The following FMN1 variants were observed in gnomAD, a reference collection of about 807,000 sequenced individuals.
The protein encoded by FMN1 is formin 1, also known as formin-1.
FMN1 carries 110 observed loss-of-function variants against 132.4 expected under a neutral mutation model. The observed-to-expected ratio is 0.83, with a 90% CI of 0.71 to 0.97. The LOEUF (loss-of-function observed/expected upper bound fraction) is 0.97. Among genes scored for constraint, FMN1 ranks in the 50% least tolerant of loss-of-function variants. The probability of loss-of-function intolerance (pLI) is 0.00; values close to 1 mark genes in which losing one functional copy is unlikely to be tolerated. For synonymous variants in FMN1, 722 were observed against 651.7 expected (o/e 1.11, Z -1.64); for missense variants, 1,792 against 1,705.3 (o/e 1.05, Z -0.90).
chr15:33,121,935 C>T (rs146769532), intron 4 of FMN1, among the ~76,000 whole-genome samples: 1 of 152,344 alleles, frequency 6.6e-6, no homozygotes, highest in African/African-American at 2.4e-5. Context: ...AATTAGGTCT[C>T]TCTCATTGTG....
Position 32,964,152 on chromosome 15 carries a change from T to A in FMN1, c.3093A>T (p.Lys1031Asn). ...LFSKDTTQQKKKPLSETYEKK... is the reference protein window; with the variant it reads ...LFSKDTTQQKNKPLSETYEKK... ...TCTCATAAGTCTCTGACAGAGGTTT[T>A]TTCTTCTGTTGAGTTGTGTCTTTGG... The change falls in exon 9 of 21, where the codon AAA becomes AAT. Residue 1031 changes from lysine to asparagine, a missense_variant. By Grantham distance (94) the Lys-to-Asn change is moderately conservative. This residue lies in a region of FMN1 where 1,150 missense variants were observed against 1,043.1 expected (regional missense o/e 1.10). Coordinates refer to ENST00000616417, the MANE Select transcript of FMN1 (RefSeq NM_001277313.2). The A allele has an allele frequency of 6.2e-7, 1 of 1,613,368 alleles. No individual in the cohort carries two copies. Among genetic ancestry groups the A allele is most frequent in the East Asian group, 2.2e-5 (1 of 44,852 alleles).
intron 6 of FMN1, among the ~76,000 whole-genome samples, chr15:33,034,701 A>T (rs146657223): frequency 1.3e-5 from 2 of 152,074 alleles, no homozygotes; most frequent in Admixed American, 1.3e-4. Flanking sequence ...CTCCATCACT[A>T]CAACTACAGT....
At chr15:32,936,305 A>G (rs1308802722) in intron 9 of FMN1, among the ~76,000 whole-genome samples, 1 of 152,138 alleles carries the variant, frequency 6.6e-6, no homozygotes, top group African/African-American at 2.4e-5. Flanking sequence ...TTGGGATGTG[A>G]AAAAGAAGTC....
intron 4 of FMN1, among the ~76,000 whole-genome samples, chr15:33,113,208 G>T (rs941979319): frequency 6.6e-6 from 1 of 151,964 alleles, no homozygotes; most frequent in Non-Finnish European, 1.5e-5. Flanking sequence ...TTAGGGGGTT[G>T]CTCACTTTCT....
rs8024232 is a variant in FMN1 at position 33,074,081 on chromosome 15, G to A, written c.2044-9007C>T. ...GAAGGCATTTGAGGTCAAGGGAAGCGGAACAACTGGCACCAGTTCATACTG... is the reference window on the plus strand; with the variant it reads ...GAAGGCATTTGAGGTCAAGGGAAGCAGAACAACTGGCACCAGTTCATACTG... On this transcript the variant is annotated intron_variant, in intron 5 of 20. Coordinates refer to ENST00000616417, the MANE Select transcript of FMN1 (RefSeq NM_001277313.2). 3.3e-5 allele frequency among the ~76,000 whole-genome samples: 5 copies of A among 151,872 alleles called. No homozygotes were observed. The East Asian group carries it at 5.8e-4, about 18-fold the overall frequency.
chr15:32,910,484 A>G lies in FMN1; in HGVS notation c.3278T>C (p.Leu1093Ser). Residue 1093 changes from leucine (L) to serine (S), a missense_variant, in exon 11 of 21, where the codon TTA becomes TCA. Leu to Ser is a moderately radical substitution (Grantham distance 145, BLOSUM62 -2). This residue lies in a region of FMN1 where 1,150 missense variants were observed against 1,043.1 expected (regional missense o/e 1.10). Coordinates refer to ENST00000616417, the MANE Select transcript of FMN1 (RefSeq NM_001277313.2). ...GTCTTTGACACTCACGTTTTCATAT[A>G]AGGCTGCCAGGGTCTCCAGATCAAC... ...SVVDLETLAA[L>S]YENRAQEDEL... The G allele has an allele frequency of 1.3e-6, 2 of 1,578,504 alleles. No homozygotes were observed. The highest frequency in any genetic ancestry group is 8.6e-7 in the Non-Finnish European group (1 of 1,161,454).
chr15:32,885,959 T>C (rs1248500198), intron 16 of FMN1, among the ~76,000 whole-genome samples: 1 of 152,158 alleles, frequency 6.6e-6, no homozygotes, highest in East Asian at 1.9e-4. Flanking sequence ...CCTCAAAGCC[T>C]CATCAAATCT....
At chr15:32,774,702 C>T (rs971952314) in intron 20 of FMN1, among the ~76,000 whole-genome samples, 1 of 152,112 alleles carries the variant, frequency 6.6e-6, no homozygotes, top group African/African-American at 2.4e-5. Context: ...CCGTCCCTAC[C>T]TTTGGCTCAT....
At chr15:33,051,655 G>A (rs35988209) in intron 6 of FMN1, among the ~76,000 whole-genome samples, 20,924 of 152,176 alleles carry the variant, frequency 0.14, 1,606 homozygotes, top group Middle Eastern at 0.22. Context: ...AGAGTTTTTA[G>A]CTGGTATATG....
At chr15:32,970,085 CATAA>C (rs2031652458) in intron 7 of FMN1, among the ~76,000 whole-genome samples, 1 of 152,106 alleles carries the variant, frequency 6.6e-6, no homozygotes, top group African/African-American at 2.4e-5. Context: ...GAACAGAGAA[CATAA>C]ATAATGAAGA....
chr15:32,924,335 G>C (rs1194521965), intron 10 of FMN1, among the ~76,000 whole-genome samples: 1 of 152,160 alleles, frequency 6.6e-6, no homozygotes, highest in East Asian at 1.9e-4. Flanking sequence ...AGATGTTTTA[G>C]TTTTTTGTGG....
In FMN1 at chr15:33,153,329, G is replaced by A. The variant is rs2140282062; in HGVS notation, c.1586C>T (p.Pro529Leu). The A allele has an allele frequency of 6.5e-7, 1 of 1,536,354 alleles. No homozygotes were observed. Residue 529 changes from proline to leucine, a missense_variant, in exon 4 of 21, where the codon CCC (proline) becomes CTC (leucine). This residue lies in a region of FMN1 where 4 missense variants were observed against 17.0 expected (regional missense o/e 0.24). Coordinates refer to ENST00000616417, the MANE Select transcript of FMN1 (RefSeq NM_001277313.2). ...GATCCTGTGATGCTGCTGAGGGCTGGGGAGCCTTGGAGACAGAGGCGAGGG... is the reference window on the plus strand; with the variant it reads ...GATCCTGTGATGCTGCTGAGGGCTGAGGAGCCTTGGAGACAGAGGCGAGGG... ...PVPSPLSPRL[P>L]SPQQHHRILR...
intron 5 of FMN1, chr15:33,066,569 C>G (rs1566883849): frequency 1.2e-6 from 2 of 1,611,394 alleles, no homozygotes; most frequent in Non-Finnish European, 1.7e-6. Flanking sequence ...AAACACAGCT[C>G]TTAGCGACTC....
In FMN1 at chr15:32,873,640, G is replaced by A. The variant is rs114635675; in HGVS notation, c.3835+14532C>T. The stretch of plus-strand genomic sequence containing the variant: ...TCTGAGGAAGGATGGGGGACTGCTA[G>A]AGGAGAGGGGGAGTTCTGGGCAGGG... On this transcript the variant is annotated intron_variant, in intron 16 of 20. Coordinates refer to ENST00000616417, the MANE Select transcript of FMN1 (RefSeq NM_001277313.2). 4.0e-3 allele frequency among the ~76,000 whole-genome samples: 603 copies of A among 152,294 alleles called. 5 individuals are homozygous for A. Among genetic ancestry groups the A allele is most frequent in the African/African-American group, 0.014 (584 of 41,576 alleles).
intron 17 of FMN1, among the ~76,000 whole-genome samples, chr15:32,852,384 CTTTG>C (rs201262485): frequency 0.013 from 1,956 of 152,164 alleles, 38 homozygotes; most frequent in African/African-American, 0.045. Context: ...ACTGCCATTG[CTTTG>C]TTTGTTTGTT....
intron 19 of FMN1, among the ~76,000 whole-genome samples, chr15:32,790,265 C>T (rs2057029928): frequency 6.6e-6 from 1 of 152,132 alleles, no homozygotes. Context: ...GCTGTCAATG[C>T]CCAGCTCATT....
chr15:33,075,225 T>C (rs73378542), intron 5 of FMN1, among the ~76,000 whole-genome samples: 3,187 of 152,094 alleles, frequency 0.021, 109 homozygotes, highest in African/African-American at 0.074. Flanking sequence ...TGGCCCTCAT[T>C]AATAACCTGC....
chr15:32,894,180 A>G (rs1035847412), intron 15 of FMN1, among the ~76,000 whole-genome samples: 4 of 152,296 alleles, frequency 2.6e-5, no homozygotes, highest in African/African-American at 9.6e-5. Context: ...CACCTGTATT[A>G]CAGGCAGTAA....
intron 6 of FMN1, among the ~76,000 whole-genome samples, chr15:33,027,180 G>A (rs546549808): frequency 4.6e-5 from 7 of 152,004 alleles, no homozygotes; most frequent in Non-Finnish European, 1.0e-4. Flanking sequence ...CAGAAAATAC[G>A]GACAGCACTC....
Sources: gnomAD v4.1 joint callset for allele counts (sites outside exome capture counted in the v4.1 genomes callset) on GRCh38, gnomAD v4.1.1 for gene constraint, gnomAD v4.1.1 regional missense constraint, MANE v1.5 for transcripts, NCBI Gene and HGNC (gene_info 2026-07-23, HGNC 2026-07-21) for gene names.